PTPA: variants seen among roughly 807,000 people sequenced by gnomAD.
PTPA encodes the protein protein phosphatase 2 phosphatase activator, also known as serine/threonine-protein phosphatase 2A activator.
PTPA carries 13 observed loss-of-function variants against 43.6 expected under a neutral mutation model. The ratio of observed to expected loss-of-function variants is 0.30; its 90% CI spans 0.19 to 0.47. The LOEUF (loss-of-function observed/expected upper bound fraction) is 0.47, where lower values mean the gene tolerates loss of function less well. Ranked by LOEUF, PTPA falls within the 20% of genes least tolerant of loss-of-function variation. The probability of loss-of-function intolerance (pLI) is 0.99; values close to 1 mark genes in which losing one functional copy is unlikely to be tolerated. For synonymous variants in PTPA, 172 were observed against 158.2 expected (o/e 1.09, Z -0.66); for missense variants, 329 against 411.9 (o/e 0.80, Z 1.74).
intron 9 of PTPA, among the ~76,000 whole-genome samples, chr9:129,145,701 A>G (rs1360172): frequency 0.58 from 88,503 of 151,948 alleles, 28,176 homozygotes; most frequent in Non-Finnish European, 0.7. Context: ...AAGTGCTCTC[A>G]GGGGCCTTGT....
At chr9:129,131,798 G>GGCAGGGAGGGCGTAGGCAT in intron 5 of PTPA, among the ~76,000 whole-genome samples, 159 bp downstream of exon 5, 1 of 152,312 alleles carries the variant, frequency 6.6e-6, no homozygotes, top group Non-Finnish European at 1.5e-5. Context: ...TGGCTTCACC[G>GGCAGGGAGGGCGTAGGCAT]GCAGGGAGGG....
intron 8 of PTPA, among the ~76,000 whole-genome samples, chr9:129,138,634 G>A (rs746875185): frequency 1.8e-4 from 27 of 152,304 alleles, no homozygotes; most frequent in Non-Finnish European, 4.0e-4. Flanking sequence ...TGCTGCCTCA[G>A]TGAGGTTCCT....
chr9:129,142,067 G>A (rs767995768), intron 8 of PTPA: 12 of 181,198 alleles, frequency 6.6e-5, no homozygotes, highest in Non-Finnish European at 1.0e-4. Context: ...CGGTGGGAAC[G>A]ACACCAGAAG....
At chr9:129,130,610 C>A (rs776694895) in intron 4 of PTPA, among the ~76,000 whole-genome samples, 9 of 152,082 alleles carry the variant, frequency 5.9e-5, no homozygotes, top group Non-Finnish European at 1.0e-4. Flanking sequence ...CCAGGCTGAT[C>A]TCGAAATCCT....
chr9:129,133,460 C>A (rs1202776394), intron 5 of PTPA, among the ~76,000 whole-genome samples: 1 of 152,230 alleles, frequency 6.6e-6, no homozygotes, highest in South Asian at 2.1e-4. Flanking sequence ...ACTGAGCTCA[C>A]AAGCTTCCAG....
chr9:129,111,851 G>T, intron 1 of PTPA: 1 of 1,177,836 alleles, frequency 8.5e-7, no homozygotes, highest in Non-Finnish European at 1.1e-6. Flanking sequence ...GGTGATTGGG[G>T]CGCAACTCTG....
Position 129,131,788 on chromosome 9 carries a change from T to C in PTPA, c.460+149T>C, listed in dbSNP as rs1849987987. 5 of 778,244 alleles carry C rather than the reference T, an allele frequency of 6.4e-6. No homozygotes were observed. The East Asian group carries it at 1.0e-4, about 16-fold the overall frequency. The allele number at this position is 778,244 out of a possible 1,614,324, so 48.2% of individuals were successfully genotyped here. ...CTATTGGGGCCAGCTGGGGTTAGGG[T>C]GGCTTCACCGGCAGGGAGGGCGTAG... On this transcript the variant is annotated intron_variant, in intron 5 of 9. Coordinates refer to ENST00000393370, the MANE Select transcript of PTPA (RefSeq NM_178000.3).
At chr9:129,120,154 A>T (rs1849152585) in intron 1 of PTPA, among the ~76,000 whole-genome samples, 2 of 152,104 alleles carry the variant, frequency 1.3e-5, no homozygotes, top group Admixed American at 1.3e-4. Context: ...GCTACTCAGA[A>T]CACTGAGGCA....
rs1260856226 is a variant in PTPA at position 129,141,151 on chromosome 9, T to G, written c.787-1294T>G. Among the ~76,000 whole-genome samples, 4 of 151,076 alleles carry G rather than the reference T, an allele frequency of 2.6e-5. No homozygotes were observed. In the Admixed American group the frequency reaches 2.7e-4, roughly 10 times the overall value. ...GAAATGAGGGGGATAAAATGACAGG[T>G]TTTTTTTGACTTAAATCTTAAAAGT... On this transcript the variant is annotated intron_variant, in intron 8 of 9. Coordinates refer to ENST00000393370, the MANE Select transcript of PTPA (RefSeq NM_178000.3).
chr9:129,147,135 G>T (rs1347220961), intron 9 of PTPA, among the ~76,000 whole-genome samples: 2 of 152,066 alleles, frequency 1.3e-5, no homozygotes, highest in Non-Finnish European at 2.9e-5. Context: ...GCACCTGGCT[G>T]CCTCTCTTCT....
intron 4 of PTPA, among the ~76,000 whole-genome samples, chr9:129,130,056 A>C (rs563878166): frequency 6.6e-6 from 1 of 152,282 alleles, no homozygotes; most frequent in East Asian, 1.9e-4. Context: ...TGCATACTCC[A>C]TGGTGTGGAT....
chr9:129,146,076 T>G (rs1166660003), intron 9 of PTPA, among the ~76,000 whole-genome samples: 2 of 150,824 alleles, frequency 1.3e-5, no homozygotes, highest in Non-Finnish European at 1.5e-5. Flanking sequence ...AGGTTGACCT[T>G]TGACCCCTTC....
chr9:129,131,876 G>T (rs537336519), intron 5 of PTPA, among the ~76,000 whole-genome samples: 14 of 152,320 alleles, frequency 9.2e-5, no homozygotes, highest in African/African-American at 3.1e-4. Flanking sequence ...CTGATGCCCC[G>T]TGCATGGTGC....
intron 6 of PTPA, among the ~76,000 whole-genome samples, chr9:129,136,207 T>A (rs1348910170): frequency 2.0e-5 from 3 of 152,148 alleles, no homozygotes; most frequent in Admixed American, 6.5e-5. Flanking sequence ...GACCTTGTGA[T>A]CCGCCTGCCT....
At chr9:129,110,974 A>G, upstream of PTPA, 1 of 1,371,068 alleles carries the variant, frequency 7.3e-7, no homozygotes, top group Non-Finnish European at 9.8e-7. The surrounding 1 kb of genome is among the most constrained non-coding windows in gnomAD (Gnocchi z 5.3). Flanking sequence ...AGGAGGAAGG[A>G]GGAGGTCACC....
chr9:129,136,288 C>T (rs550337625), intron 6 of PTPA, among the ~76,000 whole-genome samples, 183 bp from the exon 7 acceptor site: 7 of 152,246 alleles, frequency 4.6e-5, no homozygotes, highest in African/African-American at 1.7e-4. Context: ...GATTTTTATG[C>T]CTTTCCTGAG....
intron 4 of PTPA, among the ~76,000 whole-genome samples, chr9:129,130,097 A>G (rs904937229): frequency 3.3e-5 from 5 of 152,274 alleles, no homozygotes; most frequent in African/African-American, 7.2e-5. Context: ...TCCTCTACTG[A>G]TGTTTTTATT....
chr9:129,143,432 G>A (rs962368754), intron 9 of PTPA: 1 of 702,934 alleles, frequency 1.4e-6, no homozygotes, highest in Admixed American at 2.0e-5. Context: ...ACCATCTCTT[G>A]ACTCCTGGCC....
chr9:129,137,524 G>A, intron 7 of PTPA, 68 bp from the exon 8 acceptor site: 1 of 1,320,974 alleles, frequency 7.6e-7, no homozygotes, highest in Non-Finnish European at 1.1e-6. Flanking sequence ...GGGTGTGACT[G>A]CTGGGCCGGG....
Sources: allele counts gnomAD v4.1 joint callset (sites outside exome capture counted in the v4.1 genomes callset), GRCh38; gene constraint gnomAD v4.1.1; non-coding constraint Gnocchi (gnomAD v3.1); transcripts MANE v1.5; gene names NCBI Gene and HGNC (gene_info 2026-07-23, HGNC 2026-07-21).